WDR45B: variants seen among roughly 807,000 people sequenced by gnomAD.
The protein encoded by WDR45B is WD repeat domain phosphoinositide-interacting protein 3.
In WDR45B, 20 loss-of-function variants were observed where a neutral mutation model predicts 44.6. The ratio of observed to expected loss-of-function variants is 0.45; its 90% CI spans 0.32 to 0.65. The LOEUF (loss-of-function observed/expected upper bound fraction) is 0.65, where lower values mean the gene tolerates loss of function less well. Among genes scored for constraint, WDR45B ranks in the 30% least tolerant of loss-of-function variants. WDR45B has a pLI of 0.05. For missense variants in WDR45B, 323 were observed against 430.2 expected (o/e 0.75, Z 2.20); for synonymous variants, 169 against 164.9 (o/e 1.02, Z -0.19).
intron 2 of WDR45B, among the ~76,000 whole-genome samples, chr17:82,642,311 G>A (rs769261982): frequency 4.6e-5 from 7 of 152,150 alleles, no homozygotes; most frequent in Non-Finnish European, 7.4e-5. Flanking sequence ...CACTGTGAAC[G>A]GCACACGCGA....
At chr17:82,621,987 G>A (rs546157592) in intron 5 of WDR45B, among the ~76,000 whole-genome samples, 188 bp from the exon 6 acceptor site, 2 of 152,162 alleles carry the variant, frequency 1.3e-5, no homozygotes, top group East Asian at 1.9e-4. Flanking sequence ...AAGCTACCTC[G>A]CATGAGACCT....
chr17:82,619,195 CTCACAT>C, intron 6 of WDR45B, 67 bp from the exon 7 acceptor site: 1 of 1,441,154 alleles, frequency 6.9e-7, no homozygotes, highest in Non-Finnish European at 9.7e-7. Flanking sequence ...TTTGAAATGA[CTCACAT>C]TCACAAATCC....
At chr17:82,645,492 C>G (rs1291419658) in intron 1 of WDR45B, among the ~76,000 whole-genome samples, 1 of 151,922 alleles carries the variant, frequency 6.6e-6, no homozygotes, top group East Asian at 1.9e-4. Flanking sequence ...ACACAGCCAC[C>G]AAAATGACCA....
intron 2 of WDR45B, among the ~76,000 whole-genome samples, chr17:82,637,242 C>T (rs2045844324): frequency 1.3e-5 from 2 of 151,978 alleles, no homozygotes; most frequent in Non-Finnish European, 2.9e-5. Context: ...GGCGGTCGGA[C>T]TTGTCTGTAA....
intron 5 of WDR45B, among the ~76,000 whole-genome samples, chr17:82,624,832 A>C (rs920402254): frequency 1.3e-5 from 2 of 149,678 alleles, no homozygotes; most frequent in Non-Finnish European, 3.0e-5. Context: ...GTTAGCCAGG[A>C]TGGTCTTAAT....
chr17:82,623,103 T>C (rs1429076861), intron 5 of WDR45B, among the ~76,000 whole-genome samples: 1 of 152,120 alleles, frequency 6.6e-6, no homozygotes, highest in Non-Finnish European at 1.5e-5. Context: ...ATATAAAGAA[T>C]TCTTACGGCC....
intron 7 of WDR45B, among the ~76,000 whole-genome samples, chr17:82,617,766 GC>G (rs2045558284): frequency 6.6e-6 from 1 of 152,180 alleles, no homozygotes; most frequent in African/African-American, 2.4e-5. Context: ...AATGATCCTG[GC>G]CTCAGGAAGG....
rs398031785 is a variant in WDR45B at position 82,640,969 on chromosome 17, G to GTT, written c.142+2978_142+2979dup. On this transcript the variant is annotated intron_variant, in intron 2 of 9. Transcript: ENST00000392325. ...GAAGTTTTAGATGTTTCTTGTCTGG[G>GTT]TTTTTTTTTTTTTTGAGACGGAGTC... is the stretch of plus-strand genomic sequence containing the variant. Among the ~76,000 whole-genome samples, 11 of 131,848 alleles carry GTT rather than the reference G, an allele frequency of 8.3e-5. 2 individuals carry two copies. The highest frequency in any genetic ancestry group is 1.1e-4 in the African/African-American group (4 of 34,980). 86.5% of individuals were successfully genotyped at this position (131,848 alleles called of 152,430 possible). A position where few individuals can be genotyped will look rare whatever the true frequency, so the allele number is the denominator to read the frequency against.
At chr17:82,631,762 G>A (rs192711783) in intron 2 of WDR45B, among the ~76,000 whole-genome samples, 201 of 151,742 alleles carry the variant, frequency 1.3e-3, no homozygotes, top group Non-Finnish European at 1.9e-3. Flanking sequence ...TCAGCAAAAT[G>A]TATGAAATAC....
chr17:82,636,012 G>A (rs551990988), intron 2 of WDR45B, among the ~76,000 whole-genome samples: 8 of 152,048 alleles, frequency 5.3e-5, no homozygotes, highest in East Asian at 1.9e-4. Context: ...ACTTGAACCC[G>A]GGAGGCAGAG....
rs565904521 is a variant in WDR45B at position 82,628,817 on chromosome 17, T to A, written c.245-1526A>T. ...GAGTTTGAGACCAGCGTGGGCAACA[T>A]GTGGAAACGCCGTCTCTACTAAAAA... On this transcript the variant is annotated intron_variant, in intron 3 of 9. Coordinates refer to ENST00000392325, the MANE Select transcript of WDR45B (RefSeq NM_019613.4). Among the ~76,000 whole-genome samples the A allele has an allele frequency of 2.3e-4, 35 of 151,894 alleles. No homozygotes were observed. The South Asian group carries it at 7.1e-3, about 31-fold the overall frequency.
chr17:82,616,502 C>T, intron 9 of WDR45B, 22 bp downstream of exon 9: 3 of 1,613,486 alleles, frequency 1.9e-6, no homozygotes, highest in Non-Finnish European at 2.5e-6. Flanking sequence ...TGGGGACGTT[C>T]TCTCCAGGAA....
intron 2 of WDR45B, among the ~76,000 whole-genome samples, chr17:82,637,825 T>A (rs2045854825): frequency 6.6e-6 from 1 of 151,858 alleles, no homozygotes; most frequent in African/African-American, 2.4e-5. Flanking sequence ...GATATCAGCA[T>A]TCCTTTCCCA....
chr17:82,616,076 A>G (rs1252225380), intron 9 of WDR45B, 51 bp from the exon 10 acceptor site: 1 of 1,542,098 alleles, frequency 6.5e-7, no homozygotes, highest in African/African-American at 1.4e-5. Flanking sequence ...CCTCAAGTTA[A>G]AAGCAACGAG....
At chr17:82,626,533 C>CAA (rs562186058) in intron 4 of WDR45B, among the ~76,000 whole-genome samples, 17,528 of 77,138 alleles carry the variant, frequency 0.23, 1,795 homozygotes, top group African/African-American at 0.28. Context: ...CTCTATCTCC[C>CAA]AAAAAAAAAA....
chr17:82,616,734 A>T, intron 8 of WDR45B, 89 bp from the exon 9 acceptor site: 1 of 1,536,866 alleles, frequency 6.5e-7, no homozygotes, highest in Non-Finnish European at 9.0e-7. Flanking sequence ...TGAAAATACG[A>T]AAATGCTCCT....
chr17:82,646,457 A>G (rs2045976515), intron 1 of WDR45B, among the ~76,000 whole-genome samples: 2 of 134,448 alleles, frequency 1.5e-5, no homozygotes, highest in African/African-American at 5.7e-5. Flanking sequence ...ATTGCACTCC[A>G]GCCTGGGCAA....
chr17:82,648,181 C>G, intron 1 of WDR45B, 93 bp downstream of exon 1: 4 of 1,436,316 alleles, frequency 2.8e-6, no homozygotes, highest in South Asian at 1.3e-5. Context: ...AAGGCCTGGC[C>G]GGAAAGGGGC....
chr17:82,632,217 A>C (rs1247347054), intron 2 of WDR45B, among the ~76,000 whole-genome samples: 1 of 152,080 alleles, frequency 6.6e-6, no homozygotes, highest in Non-Finnish European at 1.5e-5. Context: ...GCTTGAGTGC[A>C]GTGAAGTGAT....
Sources: gnomAD v4.1 joint callset for allele counts (sites outside exome capture counted in the v4.1 genomes callset) on GRCh38, gnomAD v4.1.1 for gene constraint, MANE v1.5 for transcripts, NCBI Gene and HGNC (gene_info 2026-07-23, HGNC 2026-07-21) for gene names.